The following SLC66A2 variants were observed in gnomAD, a reference collection of about 807,000 sequenced individuals.
The protein encoded by SLC66A2 is solute carrier family 66 member 2.
A neutral mutation model predicts 25.5 loss-of-function variants in SLC66A2; 23 were observed. The observed-to-expected ratio is 0.90, with a 90% CI of 0.65 to 1.28. SLC66A2 has a LOEUF of 1.28. Among genes scored for constraint, SLC66A2 ranks in the 50% most tolerant of loss-of-function variants. The probability of loss-of-function intolerance (pLI) is 0.00; values close to 1 mark genes in which losing one functional copy is unlikely to be tolerated. For missense variants in SLC66A2, 396 were observed against 373.1 expected, an observed-to-expected ratio of 1.06 and a Z score of -0.51; for synonymous variants, 193 against 166.5, an observed-to-expected ratio of 1.16 and a Z score of -1.23.
chr18:79,942,630 A>G (rs1568335004), intron 3 of SLC66A2, among the ~76,000 whole-genome samples: 1 of 152,250 alleles, frequency 6.6e-6, no homozygotes, highest in Non-Finnish European at 1.5e-5. Flanking sequence ...AGTAATTAGA[A>G]GAAAAACAAA....
intron 4 of SLC66A2, among the ~76,000 whole-genome samples, chr18:79,932,086 G>T (rs137946116): frequency 6.6e-6 from 1 of 152,124 alleles, no homozygotes; most frequent in Admixed American, 6.5e-5. Context: ...ATTTGAAATC[G>T]ATAACAGAAG....
At chr18:79,933,220 G>A (rs1397676618) in intron 4 of SLC66A2, among the ~76,000 whole-genome samples, 2 of 152,082 alleles carry the variant, frequency 1.3e-5, no homozygotes, top group Admixed American at 6.5e-5. Context: ...CAACAGACAC[G>A]AAAAGCATTT....
At chr18:79,928,585 G>A (rs759978137) in intron 4 of SLC66A2, among the ~76,000 whole-genome samples, 28 of 152,212 alleles carry the variant, frequency 1.8e-4, no homozygotes, top group Non-Finnish European at 3.2e-4. Flanking sequence ...ATGGAGAAAC[G>A]CTTATCCAAG....
intron 5 of SLC66A2, among the ~76,000 whole-genome samples, chr18:79,907,087 C>T (rs1049909823): frequency 3.9e-5 from 6 of 152,214 alleles, no homozygotes; most frequent in African/African-American, 1.4e-4. Context: ...CTGTAAACAG[C>T]AGGTAGCTGA....
chr18:79,909,517 CACA>C (rs1457134142), intron 5 of SLC66A2, among the ~76,000 whole-genome samples: 1 of 151,296 alleles, frequency 6.6e-6, no homozygotes, highest in African/African-American at 2.4e-5. Context: ...CAGCCTTCCC[CACA>C]ACATCACCAC....
In SLC66A2 at chr18:79,904,028, G is replaced by A; in HGVS notation, c.764C>T (p.Pro255Leu). ...CACGGCGTGGGGCGCCGGCTTCTGG[G>A]GGTGGCGGGCGAAGGCGTAGGCCTG... ...LGQAYAFARH[P>L]QKPAPHAVHP... Residue 255 changes from proline (P) to leucine (L), a missense_variant, in exon 6 of 6, where the codon CCC becomes CTC. Transcript: ENST00000397778. The surrounding 1 kb of genome is among the most constrained non-coding windows in gnomAD (Gnocchi z 6.3). 1.2e-6 allele frequency: 2 copies of A among 1,606,316 alleles called. No homozygotes were observed. The highest frequency in any genetic ancestry group is 1.7e-6 in the Non-Finnish European group (2 of 1,177,200).
chr18:79,915,784 A>C (rs1297726446), intron 5 of SLC66A2: 1 of 152,260 alleles, frequency 6.6e-6, no homozygotes, highest in Non-Finnish European at 1.5e-5. Context: ...GAGGTAGAAC[A>C]CCTGCACCTC....
intron 5 of SLC66A2, among the ~76,000 whole-genome samples, chr18:79,905,192 C>T (rs182121250): frequency 2.0e-5 from 3 of 152,378 alleles, no homozygotes; most frequent in African/African-American, 7.2e-5. Flanking sequence ...TTTATCATTA[C>T]ACCCACTGGG....
intron 3 of SLC66A2, among the ~76,000 whole-genome samples, chr18:79,942,705 A>G (rs1355373846): frequency 6.6e-6 from 1 of 152,226 alleles, no homozygotes; most frequent in Non-Finnish European, 1.5e-5. Flanking sequence ...CAGAGTTCAG[A>G]CTGGAACAAA....
At position 79,939,142 on chromosome 18, in the gene SLC66A2, C is replaced by T. The variant is rs531815260; in HGVS notation, c.337+4187G>A. ...TTAACTTTCAAACTGAATTTGTGAC[C>T]TTCAAAACTTAAAATCCCTATAAAA... On this transcript the variant is annotated intron_variant, in intron 3 of 5. Transcript: ENST00000397778. Among the ~76,000 whole-genome samples the T allele has an allele frequency of 1.8e-4, 28 of 152,248 alleles. No individual in the cohort carries two copies. The South Asian group carries it at 4.4e-3, about 24-fold the overall frequency.
At chr18:79,950,672 GGA>G in intron 2 of SLC66A2, 50 bp downstream of exon 2, 1 of 1,593,970 alleles carries the variant, frequency 6.3e-7, no homozygotes, top group Non-Finnish European at 8.6e-7. Context: ...AAACCCCAAA[GGA>G]GAAACCCTCT....
chr18:79,918,396 C>T lies in SLC66A2; in HGVS notation c.608+788G>A, dbSNP rs867776446. ...TCCGTGAGGAGCGGGCACCGGGGGG[C>T]GGATCCCCAGTGAGGAGCGGGCCCG... On this transcript the variant is annotated intron_variant, in intron 5 of 5. Coordinates refer to ENST00000397778, the MANE Select transcript of SLC66A2 (RefSeq NM_025078.5). This position sits in a 1 kb window ranked among gnomAD's most constrained non-coding sequence, Gnocchi z 4.0. 1.2e-4 allele frequency among the ~76,000 whole-genome samples: 16 copies of T among 130,160 alleles called. No individual in the cohort carries two copies. The highest frequency in any genetic ancestry group is 8.3e-4 in the South Asian group (3 of 3,608). 85.4% of individuals were successfully genotyped at this position (130,160 alleles called of 152,430 possible).
At chr18:79,944,919 C>T (rs3809934) in intron 2 of SLC66A2, among the ~76,000 whole-genome samples, 13,911 of 135,908 alleles carry the variant, frequency 0.1, 1,505 homozygotes, top group East Asian at 0.18. Context: ...GGGAACCCCA[C>T]AGCCCCCTCA....
rs1038967297 is a variant in SLC66A2, at chr18:79,933,977, G to A, written c.383C>T (p.Ser128Phe). 6.2e-7 allele frequency: 1 copy of A among 1,612,302 alleles called. No homozygotes were observed. Among genetic ancestry groups the A allele is most frequent in the Admixed American group, 1.7e-5 (1 of 59,920 alleles). The change falls in exon 4 of 6, where the codon TCC (serine) becomes TTC (phenylalanine). Residue 128 changes from serine to phenylalanine, a missense_variant. Transcript: ENST00000397778. Reference protein sequence around the residue: ...DEEVKVAPRRSFLDFDPHHFW... With the variant: ...DEEVKVAPRRFFLDFDPHHFW... ...ACGCGCAGGGTACATACCCAGGAAG[G>A]ACCGCCTGGGGGCAACCTTGACTTC...
chr18:79,950,219 G>C (rs2051071813), intron 2 of SLC66A2, among the ~76,000 whole-genome samples: 1 of 152,044 alleles, frequency 6.6e-6, no homozygotes, highest in African/African-American at 2.4e-5. Flanking sequence ...CAATTAGCCG[G>C]GTGTGGTGGT....
rs546964619 is a variant in SLC66A2, at chr18:79,949,159, C to T, written c.203+1565G>A. Among the ~76,000 whole-genome samples, 150 of 152,284 alleles carry T rather than the reference C, an allele frequency of 9.9e-4. 1 individual carries two copies. Among genetic ancestry groups the T allele is most frequent in the Non-Finnish European group, 1.7e-3 (118 of 68,026 alleles). On this transcript the variant is annotated intron_variant, in intron 2 of 5. Transcript: ENST00000397778. Reference sequence around the variant, plus strand: ...CTGGGGAAGAGGCAGCCAACCCACTCGCTCACCTAAAAATCCCTGGCAGGG... The same window carrying T: ...CTGGGGAAGAGGCAGCCAACCCACTTGCTCACCTAAAAATCCCTGGCAGGG...
chr18:79,913,665 G>A (rs549447399), intron 5 of SLC66A2, among the ~76,000 whole-genome samples: 2 of 152,340 alleles, frequency 1.3e-5, no homozygotes, highest in East Asian at 1.9e-4. Context: ...GCAAGTACAC[G>A]AGACACAGGA....
At chr18:79,948,630 C>T (rs892282489) in intron 2 of SLC66A2, among the ~76,000 whole-genome samples, 2 of 151,506 alleles carry the variant, frequency 1.3e-5, no homozygotes, top group African/African-American at 4.9e-5. Context: ...AGCGGGCCAC[C>T]GTGCCCAACC....
Position 79,919,474 on chromosome 18 carries a change from C to T in SLC66A2, c.392-74G>A, listed in dbSNP as rs112470964. 238 of 960,626 alleles carry T rather than the reference C, an allele frequency of 2.5e-4. 3 individuals are homozygous for T. In the African/African-American group the frequency reaches 3.3e-3, roughly 13 times the overall value. The allele number at this position is 960,626 out of a possible 1,614,324, so 59.5% of individuals were successfully genotyped here. On this transcript the variant is annotated intron_variant, in intron 4 of 5. Transcript: ENST00000397778. ...AGGAGTCAAGGTCAGTGGGGAGAGA[C>T]GGAACCGAGTGAGAGGTCAAGGTCA...
Sources: allele counts gnomAD v4.1 joint callset (sites outside exome capture counted in the v4.1 genomes callset), GRCh38; gene constraint gnomAD v4.1.1; non-coding constraint Gnocchi (gnomAD v3.1); transcripts MANE v1.5; gene names NCBI Gene and HGNC (gene_info 2026-07-23, HGNC 2026-07-21).